Variants in ERCC8 observed in about 807,000 individuals in gnomAD.
ERCC8 encodes DNA excision repair protein ERCC-8.
A neutral mutation model predicts 54.9 loss-of-function variants in ERCC8; 52 were observed. The observed-to-expected ratio is 0.95, with a 90% confidence interval of 0.76 to 1.19. ERCC8 has a LOEUF of 1.19. ERCC8 is among the 50% of genes most tolerant of loss of function. The probability of loss-of-function intolerance (pLI) is 0.00; values close to 1 mark genes in which losing one functional copy is unlikely to be tolerated. For missense variants in ERCC8, 514 were observed against 466.1 expected (o/e 1.10, Z -0.95); for synonymous variants, 146 against 157.2 (o/e 0.93, Z 0.53).
At chr5:60,908,696 AG>A (rs35416057) in intron 4 of ERCC8, among the ~76,000 whole-genome samples, 9,600 of 151,632 alleles carry the variant, frequency 0.063, 998 homozygotes, top group African/African-American at 0.22. Flanking sequence ...AGCAGAGAAA[AG>A]TCATGACATT....
chr5:60,909,704 AAC>A (rs1421112766), intron 4 of ERCC8: 1 of 152,520 alleles, frequency 6.6e-6, no homozygotes, highest in African/African-American at 2.4e-5. Flanking sequence ...CTGTAATCCC[AAC>A]ACTTTGAGAG....
chr5:60,903,883 AT>A (rs1748976323), intron 5 of ERCC8, among the ~76,000 whole-genome samples, 167 bp from the exon 6 acceptor site: 3 of 152,126 alleles, frequency 2.0e-5, no homozygotes. Flanking sequence ...TAGAAAAGTT[AT>A]TTTAACTACA....
At chr5:60,903,372 G>A (rs1386679928) in intron 6 of ERCC8, 2 of 391,798 alleles carry the variant, frequency 5.1e-6, no homozygotes, top group Admixed American at 4.3e-5. Context: ...AGTTGCATTA[G>A]TCTTTTTAAT....
intron 11 of ERCC8, among the ~76,000 whole-genome samples, chr5:60,885,859 G>A (rs567100530): frequency 1.8e-4 from 27 of 152,194 alleles, no homozygotes; most frequent in African/African-American, 6.3e-4. Context: ...ATATTTTCAT[G>A]TGGTTTTTGA....
Position 60,874,641 on chromosome 5 carries a change from A to C in ERCC8, c.1165T>G (p.Trp389Gly). 6.2e-7 allele frequency: 1 copy of C among 1,613,350 alleles called. No homozygotes were observed. Residue 389 changes from tryptophan to glycine, a missense_variant, in exon 12 of 12, where the codon TGG becomes GGG. Transcript: ENST00000676185. ...SQLNPAFEDA[W>G]SSSDEEG ...CATCCTTCTTCATCACTGCTGCTCCAGGCATCTTCAAAGGCCGGATTTAAT... is the reference window on the plus strand; with the variant it reads ...CATCCTTCTTCATCACTGCTGCTCCCGGCATCTTCAAAGGCCGGATTTAAT...
intron 11 of ERCC8, among the ~76,000 whole-genome samples, chr5:60,885,339 A>G (rs1049530645): frequency 1.3e-5 from 2 of 152,076 alleles, no homozygotes; most frequent in African/African-American, 4.8e-5. Flanking sequence ...GAATTAAACA[A>G]TTTAGTATTC....
intron 4 of ERCC8, 117 bp from the exon 5 acceptor site, chr5:60,904,990 C>A (rs1749029227): frequency 1.9e-6 from 1 of 528,448 alleles, no homozygotes. Context: ...GTTAGCAATT[C>A]AACTTAAACA....
At chr5:60,938,044 CATACATATATATAT>C (rs1430678811) in intron 1 of ERCC8, among the ~76,000 whole-genome samples, 172 of 16,668 alleles carry the variant, frequency 0.01, 2 homozygotes, top group South Asian at 0.079. Context: ...TACATACATA[CATACATATATATAT>C]ATATATATAT....
chr5:60,890,315 T>A (rs1748509975), intron 10 of ERCC8, among the ~76,000 whole-genome samples: 1 of 152,230 alleles, frequency 6.6e-6, no homozygotes, highest in Admixed American at 6.5e-5. Context: ...AATGTTATAC[T>A]CATTTAAAGA....
intron 7 of ERCC8, among the ~76,000 whole-genome samples, chr5:60,901,774 T>G (rs1373025386): frequency 6.6e-6 from 1 of 152,054 alleles, no homozygotes; most frequent in Non-Finnish European, 1.5e-5. Flanking sequence ...TATCTTCACC[T>G]GTTTCTCTCT....
chr5:60,870,623 C>T lies in ERCC8; in HGVS notation c.*3992G>A, dbSNP rs916703280. Among the ~76,000 whole-genome samples, 4 of 149,692 alleles carry T rather than the reference C, an allele frequency of 2.7e-5. No homozygotes were observed. Among genetic ancestry groups the T allele is most frequent in the Non-Finnish European group, 4.4e-5 (3 of 67,774 alleles). ...GTTGCAGTGAGCTGAGATGGCGCCA[C>T]TGCCCTCTAGTCTGGGTGACAGAAT... is the stretch of plus-strand genomic sequence containing the variant. On this transcript the variant is annotated 3_prime_UTR_variant, in exon 12 of 12. Coordinates refer to ENST00000676185, the MANE Select transcript of ERCC8 (RefSeq NM_000082.4).
At position 60,873,267 on chromosome 5, in the gene ERCC8, AATAC is replaced by A. The variant is rs1339260088; in HGVS notation, c.*1344_*1347del. 6.6e-6 allele frequency among the ~76,000 whole-genome samples: 1 copy of A among 152,184 alleles called. No individual in the cohort carries two copies. The highest frequency in any genetic ancestry group is 2.4e-5 in the African/African-American group (1 of 41,448). Reference sequence around the variant, plus strand: ...TCAAAACAGTATGTTGTACATGGTAAATACATACAATTTTATCTGCCAATTGGAA... The same window carrying A: ...TCAAAACAGTATGTTGTACATGGTAAATACAATTTTATCTGCCAATTGGAA... On this transcript the variant is annotated 3_prime_UTR_variant, in exon 12 of 12. Coordinates refer to ENST00000676185, the MANE Select transcript of ERCC8 (RefSeq NM_000082.4).
chr5:60,918,776 T>A (rs1749515118), intron 3 of ERCC8, among the ~76,000 whole-genome samples: 1 of 152,068 alleles, frequency 6.6e-6, no homozygotes, highest in African/African-American at 2.4e-5. Flanking sequence ...AGCACTACTA[T>A]TCTTAGAATT....
intron 4 of ERCC8, chr5:60,917,371 T>C (rs1428159261): frequency 2.6e-5 from 4 of 152,060 alleles, no homozygotes; most frequent in African/African-American, 4.8e-5. Context: ...GAACATAGGA[T>C]TGAAGGAACA....
intron 6 of ERCC8, 67 bp downstream of exon 6, chr5:60,903,581 T>A (rs1411121480): frequency 1.2e-6 from 2 of 1,602,704 alleles, no homozygotes; most frequent in Admixed American, 3.4e-5. Flanking sequence ...AATACACTGT[T>A]AGTAACGTTT....
intron 1 of ERCC8, among the ~76,000 whole-genome samples, chr5:60,943,766 A>G (rs891499163): frequency 6.6e-6 from 1 of 152,206 alleles, no homozygotes; most frequent in African/African-American, 2.4e-5. Context: ...CATTTGAGAC[A>G]TTCTAGATAT....
At chr5:60,936,639 T>C (rs959109741) in intron 1 of ERCC8, among the ~76,000 whole-genome samples, 27 of 152,326 alleles carry the variant, frequency 1.8e-4, no homozygotes, top group Non-Finnish European at 3.4e-4. Context: ...GTTTCAGACT[T>C]CCTGAGGTAT....
At chr5:60,891,648 T>TG (rs1212415511) in intron 9 of ERCC8, among the ~76,000 whole-genome samples, 5 of 136,376 alleles carry the variant, frequency 3.7e-5, no homozygotes, top group South Asian at 2.3e-4. Flanking sequence ...TGATATTTTT[T>TG]GGGGGGGCAT....
At chr5:60,893,395 C>T (rs1748625397) in intron 9 of ERCC8, 2 of 865,736 alleles carry the variant, frequency 2.3e-6, no homozygotes. Flanking sequence ...CTTGCTGCTT[C>T]TCCCTCATCT....
Sources: gnomAD v4.1 joint callset for allele counts (sites outside exome capture counted in the v4.1 genomes callset) on GRCh38, gnomAD v4.1.1 for gene constraint, MANE v1.5 for transcripts, NCBI Gene and HGNC (gene_info 2026-07-23, HGNC 2026-07-21) for gene names.